CPN1: variants seen among roughly 807,000 people sequenced by gnomAD.
The protein encoded by CPN1 is carboxypeptidase N subunit 1, also known as carboxypeptidase N catalytic chain.
In CPN1, 37 loss-of-function variants were observed where a neutral mutation model predicts 46.4. The observed-to-expected ratio is 0.80, with a 90% CI of 0.61 to 1.05. The LOEUF (loss-of-function observed/expected upper bound fraction) is 1.05, where lower values mean the gene tolerates loss of function less well. CPN1 is among the 50% of genes least tolerant of loss of function. The probability of loss-of-function intolerance (pLI) is 0.00; values close to 1 mark genes in which losing one functional copy is unlikely to be tolerated. For synonymous variants in CPN1, 224 were observed against 235.4 expected (o/e 0.95, Z 0.44); for missense variants, 563 against 602.6 (o/e 0.93, Z 0.69).
intron 2 of CPN1, 63 bp from the exon 3 acceptor site, chr10:100,069,932 T>C: frequency 6.3e-7 from 1 of 1,599,276 alleles, no homozygotes; most frequent in Non-Finnish European, 8.6e-7. Flanking sequence ...TTTCTAACTT[T>C]TTTTTTTGGA....
At chr10:100,058,808 G>T (rs1036942583) in intron 5 of CPN1, among the ~76,000 whole-genome samples, 3 of 152,186 alleles carry the variant, frequency 2.0e-5, no homozygotes, top group Admixed American at 2.0e-4. Flanking sequence ...CAAAGCTACA[G>T]TAATCAAAAC....
intron 4 of CPN1, among the ~76,000 whole-genome samples, chr10:100,064,107 C>T (rs1189607589): frequency 1.3e-5 from 2 of 151,858 alleles, no homozygotes; most frequent in African/African-American, 2.4e-5. Flanking sequence ...ATTTTCTAGC[C>T]GAATTTTGTC....
chr10:100,065,240 C>T lies in CPN1; in HGVS notation c.707G>A (p.Gly236Glu). 6.2e-7 allele frequency: 1 copy of T among 1,614,166 alleles called. No homozygotes were observed. The highest frequency in any genetic ancestry group is 8.5e-7 in the Non-Finnish European group (1 of 1,180,028). The change falls in exon 4 of 9, where the codon GGG (glycine) becomes GAG (glutamate). Residue 236 changes from glycine (G) to glutamate (E), a missense_variant. Gly to Glu is a moderately conservative substitution (Grantham distance 98). Coordinates refer to ENST00000370418, the MANE Select transcript of CPN1 (RefSeq NM_001308.3). ...YDKSFEHRVR[G>E]VRRTASTPTP... ...GGGGGTGCTGGCGGTGCGGCGGACCCCTCGGACCCGGTGCTCAAAGGACTT... is the reference window on the plus strand; with the variant it reads ...GGGGGTGCTGGCGGTGCGGCGGACCTCTCGGACCCGGTGCTCAAAGGACTT...
chr10:100,057,595 T>C (rs1410082841), intron 5 of CPN1, among the ~76,000 whole-genome samples: 2 of 151,862 alleles, frequency 1.3e-5, no homozygotes, highest in Admixed American at 6.6e-5. Context: ...AGGGGGGAAA[T>C]AGGATGATTG....
At chr10:100,071,709 T>A (rs1458167065) in intron 2 of CPN1, among the ~76,000 whole-genome samples, 2 of 152,250 alleles carry the variant, frequency 1.3e-5, no homozygotes, top group African/African-American at 4.8e-5. Flanking sequence ...TTTTTTCTTG[T>A]CATTATTCCT....
intron 1 of CPN1, 138 bp from the exon 2 acceptor site, chr10:100,076,245 G>T: frequency 2.4e-6 from 2 of 848,134 alleles, no homozygotes; most frequent in Non-Finnish European, 3.8e-6. Context: ...AATAATCCCT[G>T]AGCCCCTTCC....
rs748292783 is a variant in CPN1 at position 100,063,722 on chromosome 10, C to T, written c.763G>A (p.Ala255Thr). ...CCATGTGCATAGGAGTAGACCTTGGCCAGCTAGAGGAAAAGCAGGAGGAAA... is the reference window on the plus strand; with the variant it reads ...CCATGTGCATAGGAGTAGACCTTGGTCAGCTAGAGGAAAAGCAGGAGGAAA... ...TPDDKLFQKL[A>T]KVYSYAHGWM... Residue 255 changes from alanine to threonine, a missense_variant, in exon 5 of 9, where the codon GCC becomes ACC. Transcript: ENST00000370418. The T allele has an allele frequency of 1.2e-6, 2 of 1,612,962 alleles. No homozygotes were observed. The highest frequency in any genetic ancestry group is 1.7e-6 in the Non-Finnish European group (2 of 1,179,128).
At chr10:100,061,526 T>C (rs2041418077) in intron 5 of CPN1, among the ~76,000 whole-genome samples, 1 of 152,200 alleles carries the variant, frequency 6.6e-6, no homozygotes, top group Non-Finnish European at 1.5e-5. Flanking sequence ...TTATTAGAAA[T>C]GTACATTTCT....
At chr10:100,055,366 T>G (rs1480163642) in intron 6 of CPN1, among the ~76,000 whole-genome samples, 2 of 138,672 alleles carry the variant, frequency 1.4e-5, no homozygotes, top group Non-Finnish European at 3.1e-5. Flanking sequence ...CCCCAGCCCC[T>G]GGCAACCACC....
intron 3 of CPN1, among the ~76,000 whole-genome samples, chr10:100,066,230 C>T (rs971442063): frequency 6.6e-6 from 1 of 152,066 alleles, no homozygotes; most frequent in Non-Finnish European, 1.5e-5. Context: ...GGATTACAGG[C>T]GTGAGCCACC....
intron 6 of CPN1, 25 bp from the exon 7 acceptor site, chr10:100,054,471 G>A: frequency 1.9e-6 from 3 of 1,567,602 alleles, no homozygotes; most frequent in East Asian, 2.2e-5. Flanking sequence ...ATATAGTTAT[G>A]ATCATAAAAC....
At chr10:100,053,352 T>G (rs1435077826) in intron 7 of CPN1, among the ~76,000 whole-genome samples, 1 of 152,124 alleles carries the variant, frequency 6.6e-6, no homozygotes, top group Non-Finnish European at 1.5e-5. Flanking sequence ...TAAGGTTGTG[T>G]GGAGGGCTGG....
At chr10:100,068,166 A>AAG (rs1554880352) in intron 3 of CPN1, among the ~76,000 whole-genome samples, 5 of 151,366 alleles carry the variant, frequency 3.3e-5, no homozygotes, top group African/African-American at 1.2e-4. Flanking sequence ...AAAAAAAAAA[A>AAG]AAAGAAAGAA....
At chr10:100,054,169 T>C (rs2041371820) in intron 7 of CPN1, among the ~76,000 whole-genome samples, 178 bp downstream of exon 7, 1 of 152,182 alleles carries the variant, frequency 6.6e-6, no homozygotes, top group African/African-American at 2.4e-5. Flanking sequence ...GGTTGTTTGA[T>C]TCAGCCTCTT....
chr10:100,074,957 T>G (rs867961456), intron 2 of CPN1, among the ~76,000 whole-genome samples: 3 of 152,134 alleles, frequency 2.0e-5, no homozygotes, highest in Admixed American at 6.6e-5. Context: ...AAGACAAATG[T>G]TAGGCACGCT....
chr10:100,048,660 C>T (rs1247452321), intron 8 of CPN1, 98 bp downstream of exon 8: 6 of 916,142 alleles, frequency 6.5e-6, no homozygotes, highest in East Asian at 5.0e-5. Flanking sequence ...AGTGGTGCCA[C>T]TGCACTCCAG....
intron 7 of CPN1, among the ~76,000 whole-genome samples, chr10:100,053,775 T>G (rs1339547355): frequency 6.6e-6 from 1 of 152,026 alleles, no homozygotes; most frequent in Non-Finnish European, 1.5e-5. Flanking sequence ...CTGAGTCAGC[T>G]TACAACACCA....
intron 8 of CPN1, among the ~76,000 whole-genome samples, chr10:100,047,188 G>A (rs1308215863): frequency 6.6e-6 from 1 of 152,122 alleles, no homozygotes; most frequent in Non-Finnish European, 1.5e-5. Flanking sequence ...AATCACGCCA[G>A]TGCACAGCCT....
chr10:100,045,413 C>T (rs536313872), intron 8 of CPN1, among the ~76,000 whole-genome samples: 18 of 152,028 alleles, frequency 1.2e-4, no homozygotes, highest in Admixed American at 9.8e-4. Context: ...AAGATTTACT[C>T]TCTGTTTCCT....
Sources: gnomAD v4.1 joint callset for allele counts (sites outside exome capture counted in the v4.1 genomes callset) on GRCh38, gnomAD v4.1.1 for gene constraint, MANE v1.5 for transcripts, NCBI Gene and HGNC (gene_info 2026-07-23, HGNC 2026-07-21) for gene names.